CLBA1: variants seen among roughly 807,000 people sequenced by gnomAD.
CLBA1 encodes uncharacterized protein CLBA1.
In CLBA1, 30 loss-of-function variants were observed where a neutral mutation model predicts 28.8. That is an observed-to-expected ratio of 1.04 (90% CI 0.78 to 1.41). The LOEUF is 1.41. Ranked by LOEUF, CLBA1 falls within the 40% of genes most tolerant of loss-of-function variation. The probability of loss-of-function intolerance (pLI) is 0.00; values close to 1 mark genes in which losing one functional copy is unlikely to be tolerated. For missense variants in CLBA1, 451 were observed against 412.3 expected, an observed-to-expected ratio of 1.09 and a Z score of -0.81; for synonymous variants, 160 against 152.8, an observed-to-expected ratio of 1.05 and a Z score of -0.35.
chr14:104,991,579 G>A lies in CLBA1; in HGVS notation c.658G>A (p.Glu220Lys), dbSNP rs1900022671. Residue 220 changes from glutamate (E) to lysine (K), a missense_variant, in exon 3 of 5, where the codon GAG becomes AAG. By Grantham distance (56) the Glu-to-Lys change is moderately conservative. Coordinates refer to ENST00000547315, the MANE Select transcript of CLBA1 (RefSeq NM_174891.4). ...QRLWSESRCQENFFLVLGIDA... is the reference protein window; with the variant it reads ...QRLWSESRCQKNFFLVLGIDA... ...CCTCTGGAGCGAGTCCCGTTGCCAG[G>A]AGAACTTCTTTCTTGTTCTCGGAAT... 3 of 1,613,606 alleles carry A rather than the reference G, an allele frequency of 1.9e-6. No homozygotes were observed. Among genetic ancestry groups the A allele is most frequent in the East Asian group, 4.5e-5 (2 of 44,896 alleles).
At chr14:104,988,879 A>T in intron 1 of CLBA1, 64 bp from the exon 2 acceptor site, 1 of 1,441,164 alleles carries the variant, frequency 6.9e-7, no homozygotes, top group Non-Finnish European at 9.5e-7. Flanking sequence ...ATTTCTTTGG[A>T]ATAAGGTAAC....
At chr14:104,992,227 G>A (rs554551215) in intron 3 of CLBA1, among the ~76,000 whole-genome samples, 17 of 149,846 alleles carry the variant, frequency 1.1e-4, no homozygotes, top group South Asian at 8.5e-4. Flanking sequence ...ATGCCGCCAC[G>A]CACACGCCAC....
chr14:104,989,173 C>A, intron 2 of CLBA1, 85 bp downstream of exon 2: 2 of 1,416,456 alleles, frequency 1.4e-6, no homozygotes. Context: ...TTTGTTTTTG[C>A]CTTTATGGAG....
intron 4 of CLBA1, 184 bp downstream of exon 4, chr14:104,993,248 G>T: frequency 1.0e-6 from 1 of 985,440 alleles, no homozygotes; most frequent in Non-Finnish European, 1.2e-6. Flanking sequence ...CCACTGCAGG[G>T]TGCCAAGGAA....
intron 2 of CLBA1, chr14:104,989,657 AAGAC>A (rs753451830): frequency 1.5e-4 from 69 of 456,160 alleles, no homozygotes; most frequent in Middle Eastern, 9.8e-4. Context: ...TGAGCATTGA[AAGAC>A]AGACAGCGCT....
chr14:104,995,938 C>T (rs1900149314), downstream of CLBA1, among the ~76,000 whole-genome samples: 1 of 152,234 alleles, frequency 6.6e-6, no homozygotes, highest in East Asian at 1.9e-4. Context: ...CCTTCAAAGG[C>T]ACTGTCTTTT....
At chr14:104,989,432 G>T (rs748077611) in intron 2 of CLBA1, 6 of 393,648 alleles carry the variant, frequency 1.5e-5, no homozygotes, top group Non-Finnish European at 3.0e-5. Context: ...TGGGCACAGG[G>T]GCCTTCTGGG....
chr14:104,995,555 C>A (rs143854145), downstream of CLBA1: 1,206 of 955,108 alleles, frequency 1.3e-3, 13 homozygotes, highest in African/African-American at 0.02. Flanking sequence ...GGGACTGATA[C>A]CTGAAATCCT....
At chr14:104,989,781 G>A (rs1433524375) in intron 2 of CLBA1, 1 of 439,976 alleles carries the variant, frequency 2.3e-6, no homozygotes, top group Non-Finnish European at 4.7e-6. Context: ...GTCCCTCGGT[G>A]TGGTCTGCGG....
At chr14:104,993,339 G>C (rs1340648168) in intron 4 of CLBA1, 1 of 985,340 alleles carries the variant, frequency 1.0e-6, no homozygotes, top group Non-Finnish European at 1.2e-6. Context: ...AGGGAGAGAA[G>C]AGAGCTGCAG....
At chr14:104,986,909 G>C in intron 1 of CLBA1, 55 bp downstream of exon 1, 2 of 1,570,972 alleles carry the variant, frequency 1.3e-6, no homozygotes, top group Non-Finnish European at 8.7e-7. Context: ...CACACCAAGA[G>C]GCCTACAGCC....
chr14:104,992,217 A>G (rs552505704), intron 3 of CLBA1, among the ~76,000 whole-genome samples: 95 of 147,352 alleles, frequency 6.4e-4, no homozygotes, highest in Non-Finnish European at 1.1e-3. Context: ...CACCACTCAC[A>G]TGCCGCCACG....
downstream of CLBA1, among the ~76,000 whole-genome samples, chr14:104,997,764 T>C (rs1900180246): frequency 6.6e-6 from 1 of 152,190 alleles, no homozygotes; most frequent in Non-Finnish European, 1.5e-5. Context: ...ATCCCAGCAC[T>C]TTGGGAGGCT....
intron 1 of CLBA1, among the ~76,000 whole-genome samples, chr14:104,987,981 A>C (rs1411654001): frequency 1.3e-5 from 2 of 151,680 alleles, no homozygotes; most frequent in African/African-American, 4.9e-5. Flanking sequence ...GATGAGATCC[A>C]CTCTTAATAG....
chr14:104,988,848 A>G, intron 1 of CLBA1, 95 bp from the exon 2 acceptor site: 3 of 1,304,640 alleles, frequency 2.3e-6, no homozygotes, highest in Non-Finnish European at 3.2e-6. Context: ...ATCAATTACA[A>G]ATTTCATTTC....
At chr14:104,994,296 C>G in intron 4 of CLBA1, 1 of 985,436 alleles carries the variant, frequency 1.0e-6, no homozygotes, top group African/African-American at 1.7e-5. Flanking sequence ...TAGTGGCAGC[C>G]TCCACCAGGG....
At position 104,994,702 on chromosome 14, in the gene CLBA1, A is replaced by G. The variant is rs1336675120; in HGVS notation, c.921A>G (p.Lys307=). The change falls in exon 5 of 5, where the codon AAA becomes AAG. Residue 307 remains lysine, a synonymous_variant. Coordinates refer to ENST00000547315, the MANE Select transcript of CLBA1 (RefSeq NM_174891.4). ...GCCAGCACATCACTATTCCAAGGAA[A>G]AGGATGTTCACTCCACGCAAGCTCA... ...GGGQHITIPR[K]RMFTPRKLKL... 3.1e-6 allele frequency: 5 copies of G among 1,613,908 alleles called. No individual in the cohort carries two copies. The highest frequency in any genetic ancestry group is 2.2e-5 in the South Asian group (2 of 91,080).
downstream of CLBA1, chr14:104,999,527 A>G (rs1054946422): frequency 1.8e-4 from 27 of 152,316 alleles, no homozygotes; most frequent in African/African-American, 6.5e-4. Context: ...GGTGGGGTGC[A>G]TCCAGCTGCA....
downstream of CLBA1, chr14:104,999,283 T>TG (rs1221645012): frequency 2.6e-5 from 25 of 969,624 alleles, no homozygotes; most frequent in African/African-American, 4.0e-4. Flanking sequence ...TCATTCTTTC[T>TG]AGTGGACGTG....
Sources: gnomAD v4.1 joint callset for allele counts (sites outside exome capture counted in the v4.1 genomes callset) on GRCh38, gnomAD v4.1.1 for gene constraint, MANE v1.5 for transcripts, NCBI Gene and HGNC (gene_info 2026-07-23, HGNC 2026-07-21) for gene names.